The following KIRREL3 variants were observed in gnomAD, a reference collection of about 807,000 sequenced individuals.
KIRREL3 encodes kin of IRRE-like protein 3.
KIRREL3 carries 36 observed loss-of-function variants against 89.7 expected under a neutral mutation model. The observed-to-expected ratio is 0.40, with a 90% CI of 0.31 to 0.53. KIRREL3 has a LOEUF of 0.53. Among genes scored for constraint, KIRREL3 ranks in the 20% least tolerant of loss-of-function variants. The pLI is 0.49. For missense variants in KIRREL3, 864 were observed against 1,056.6 expected (o/e 0.82, Z 2.53); for synonymous variants, 445 against 441.4 (o/e 1.01, Z -0.10).
chr11:126,609,307 T>C lies in KIRREL3; in HGVS notation c.56-46395A>G, dbSNP rs1943023020. Among the ~76,000 whole-genome samples, 1 of 152,226 alleles carries C rather than the reference T, an allele frequency of 6.6e-6. No individual in the cohort carries two copies. The highest frequency in any genetic ancestry group is 2.4e-5 in the African/African-American group (1 of 41,460). ...CTCTTGCAGAGAGGGCTAATGTATGTCTTCCCCCCGGGCTGGTGGCTGGGT... is the reference window on the plus strand; with the variant it reads ...CTCTTGCAGAGAGGGCTAATGTATGCCTTCCCCCCGGGCTGGTGGCTGGGT... On this transcript the variant is annotated intron_variant, in intron 1 of 16. Transcript: ENST00000525144. The surrounding 1 kb of genome is among the most constrained non-coding windows in gnomAD (Gnocchi z 5.0).
In KIRREL3 at chr11:126,970,115, C is replaced by A. The variant is rs535548745; in HGVS notation, c.55+30340G>T. Reference sequence around the variant, plus strand: ...GAACAGGAAAATGCAGCCTCTCTACCACTGCCCCTGCCCCCTCAGGGATAT... The same window carrying A: ...GAACAGGAAAATGCAGCCTCTCTACAACTGCCCCTGCCCCCTCAGGGATAT... On this transcript the variant is annotated intron_variant, in intron 1 of 16. Coordinates refer to ENST00000525144, the MANE Select transcript of KIRREL3 (RefSeq NM_032531.4). The surrounding 1 kb of genome is among the most constrained non-coding windows in gnomAD (Gnocchi z 4.4). Among the ~76,000 whole-genome samples the A allele has an allele frequency of 6.6e-6, 1 of 152,192 alleles. No homozygotes were observed. The highest frequency in any genetic ancestry group is 1.5e-5 in the Non-Finnish European group (1 of 68,028).
At chr11:126,749,100 A>G (rs1354673914) in intron 1 of KIRREL3, among the ~76,000 whole-genome samples, 2 of 152,138 alleles carry the variant, frequency 1.3e-5, no homozygotes, top group African/African-American at 2.4e-5. Context: ...CCTCTGAGCC[A>G]TGAACTTTTT....
At chr11:126,885,210 T>A (rs1018220421) in intron 1 of KIRREL3, among the ~76,000 whole-genome samples, 1 of 152,172 alleles carries the variant, frequency 6.6e-6, no homozygotes, top group African/African-American at 2.4e-5. Flanking sequence ...TTGAGAAAGA[T>A]CCCAGATGCA....
At position 126,696,530 on chromosome 11, in the gene KIRREL3, T is replaced by C. The variant is rs1947103840; in HGVS notation, c.56-133618A>G. ...CTTGCCTCGACATCTGGCCCCACCG[T>C]CCAACCCACCTTTCAGCCTCCAGGC... On this transcript the variant is annotated intron_variant, in intron 1 of 16. Coordinates refer to ENST00000525144, the MANE Select transcript of KIRREL3 (RefSeq NM_032531.4). This position sits in a 1 kb window ranked among gnomAD's most constrained non-coding sequence, Gnocchi z 4.4. Among the ~76,000 whole-genome samples the C allele has an allele frequency of 1.3e-5, 2 of 152,110 alleles. No homozygotes were observed. The highest frequency in any genetic ancestry group is 4.1e-4 in the South Asian group (2 of 4,824).
At chr11:126,813,132 G>A (rs927038524) in intron 1 of KIRREL3, among the ~76,000 whole-genome samples, 3 of 152,124 alleles carry the variant, frequency 2.0e-5, no homozygotes, top group Admixed American at 6.5e-5. Flanking sequence ...GCTTTAGGGA[G>A]GTAGAAAAAA....
rs571090175 is a variant in KIRREL3 at position 126,627,542 on chromosome 11, C to A, written c.56-64630G>T. ...GCCTCCCTGGCTCCATGGTGACTGA[C>A]GCTGCCAGTCCAGCTGCCATGTGGC... On this transcript the variant is annotated intron_variant, in intron 1 of 16. Transcript: ENST00000525144. This position sits in a 1 kb window ranked among gnomAD's most constrained non-coding sequence, Gnocchi z 5.0. Among the ~76,000 whole-genome samples the A allele has an allele frequency of 6.6e-6, 1 of 152,190 alleles. No individual in the cohort carries two copies. The highest frequency in any genetic ancestry group is 1.5e-5 in the Non-Finnish European group (1 of 68,036).
At chr11:126,657,549 C>T (rs1057484765) in intron 1 of KIRREL3, among the ~76,000 whole-genome samples, 1 of 152,190 alleles carries the variant, frequency 6.6e-6, no homozygotes, top group Non-Finnish European at 1.5e-5. Flanking sequence ...AGTGTCATTC[C>T]TCTTCTCACC....
intron 1 of KIRREL3, among the ~76,000 whole-genome samples, chr11:126,597,161 A>G (rs971527560): frequency 6.6e-6 from 1 of 151,972 alleles, no homozygotes; most frequent in Non-Finnish European, 1.5e-5. Context: ...AGAACTACCC[A>G]CCCAATCAGA....
intron 1 of KIRREL3, among the ~76,000 whole-genome samples, chr11:126,591,054 C>T (rs886613052): frequency 6.6e-6 from 1 of 152,146 alleles, no homozygotes; most frequent in Admixed American, 6.5e-5. Flanking sequence ...GGTAAAATTA[C>T]GTCTCTACTA....
chr11:126,665,251 C>T (rs555337735), intron 1 of KIRREL3, among the ~76,000 whole-genome samples: 1 of 152,296 alleles, frequency 6.6e-6, no homozygotes, highest in Admixed American at 6.5e-5. Context: ...ATGCAGTTGA[C>T]ACATTCTGTT....
intron 1 of KIRREL3, among the ~76,000 whole-genome samples, chr11:126,822,358 G>A (rs1943254273): frequency 6.6e-6 from 1 of 152,180 alleles, no homozygotes; most frequent in Non-Finnish European, 1.5e-5. Flanking sequence ...TGTATGGGAA[G>A]GAGAAGGAGC....
rs185971410 is a variant in KIRREL3, at chr11:126,978,190, G to A, written c.55+22265C>T. ...AGGGCATGCAGGTAATCAATTATGC[G>A]ATTCTTTCAGGGTTGCTTCTGCCCT... On this transcript the variant is annotated intron_variant, in intron 1 of 16. Coordinates refer to ENST00000525144, the MANE Select transcript of KIRREL3 (RefSeq NM_032531.4). This position sits in a 1 kb window ranked among gnomAD's most constrained non-coding sequence, Gnocchi z 4.2. 2.3e-4 allele frequency among the ~76,000 whole-genome samples: 35 copies of A among 152,246 alleles called. 1 individual carries two copies. The highest frequency in any genetic ancestry group is 8.2e-4 in the African/African-American group (34 of 41,536).
At chr11:126,536,642 CTTTTTTTTTTTTT>C (rs145142970) in intron 2 of KIRREL3, among the ~76,000 whole-genome samples, 2 of 77,166 alleles carry the variant, frequency 2.6e-5, no homozygotes, top group African/African-American at 1.1e-4. Context: ...CTGGGCAATG[CTTTTTTTTTTTTT>C]TTTTTTTTTT....
chr11:126,424,821 A>G lies in KIRREL3; in HGVS notation c.2096T>C (p.Met699Thr), dbSNP rs747881065. 15 of 1,614,016 alleles carry G rather than the reference A, an allele frequency of 9.3e-6. No homozygotes were observed. The highest frequency in any genetic ancestry group is 5.5e-5 in the South Asian group (5 of 91,088). Residue 699 changes from methionine to threonine, a missense_variant, in exon 17 of 17, where the codon ATG becomes ACG. Physicochemically the swap from Met to Thr is moderately conservative, Grantham distance 81. Coordinates refer to ENST00000525144, the MANE Select transcript of KIRREL3 (RefSeq NM_032531.4). The part of the protein sequence containing the change: ...YDYGQRFVLG[M>T]GSSSIELCER... Reference sequence around the variant, plus strand: ...ACAAAGCTCGATGGACGAGCTGCCCATGCCCAGCACAAACCGCTGCCCGTA... The same window carrying G: ...ACAAAGCTCGATGGACGAGCTGCCCGTGCCCAGCACAAACCGCTGCCCGTA...
At position 126,735,041 on chromosome 11, in the gene KIRREL3, G is replaced by A. The variant is rs534272210; in HGVS notation, c.56-172129C>T. Among the ~76,000 whole-genome samples, 47 of 152,310 alleles carry A rather than the reference G, an allele frequency of 3.1e-4. 1 individual carries two copies. The South Asian group carries it at 5.4e-3, about 18-fold the overall frequency. On this transcript the variant is annotated intron_variant, in intron 1 of 16. Transcript: ENST00000525144. ...CGGGGCGTTTACCCATCCTCAGAAAGCAAGGGCTTTCCTATGGGACTGTTG... is the reference window on the plus strand; with the variant it reads ...CGGGGCGTTTACCCATCCTCAGAAAACAAGGGCTTTCCTATGGGACTGTTG...
intron 1 of KIRREL3, among the ~76,000 whole-genome samples, chr11:126,775,817 G>A (rs1356216017): frequency 6.6e-6 from 1 of 152,122 alleles, no homozygotes; most frequent in Non-Finnish European, 1.5e-5. Context: ...GTGGAGCTGG[G>A]GTTTGAATTC....
At chr11:126,959,266 T>G (rs796797494) in intron 1 of KIRREL3, among the ~76,000 whole-genome samples, 1 of 151,916 alleles carries the variant, frequency 6.6e-6, no homozygotes, top group East Asian at 1.9e-4. Flanking sequence ...TAATTCTCTT[T>G]CTCATCTATC....
In KIRREL3 at chr11:126,569,592, GA is replaced by G. The variant is rs1940774797; in HGVS notation, c.56-6681del. Among the ~76,000 whole-genome samples, 1 of 152,198 alleles carries G rather than the reference GA, an allele frequency of 6.6e-6. No homozygotes were observed. The highest frequency in any genetic ancestry group is 1.5e-5 in the Non-Finnish European group (1 of 68,034). Reference sequence around the variant, plus strand: ...TTGGCTATACAAGACATATACTTAAGAAAAGGTAACTAAAAGTCAGAGACAG... The same window carrying G: ...TTGGCTATACAAGACATATACTTAAGAAAGGTAACTAAAAGTCAGAGACAG... On this transcript the variant is annotated intron_variant, in intron 1 of 16. Transcript: ENST00000525144. The surrounding 1 kb of genome is among the most constrained non-coding windows in gnomAD (Gnocchi z 6.5).
intron 5 of KIRREL3, among the ~76,000 whole-genome samples, chr11:126,467,644 T>TAAAA (rs1406869571): frequency 1.1e-4 from 17 of 150,208 alleles, no homozygotes; most frequent in South Asian, 6.3e-4. Context: ...TTTTTTTTTT[T>TAAAA]AAAAAATCAT....
Sources: allele counts gnomAD v4.1 joint callset (sites outside exome capture counted in the v4.1 genomes callset), GRCh38; gene constraint gnomAD v4.1.1; non-coding constraint Gnocchi (gnomAD v3.1); transcripts MANE v1.5; gene names NCBI Gene and HGNC (gene_info 2026-07-23, HGNC 2026-07-21).